ANO1: variants seen among roughly 807,000 people sequenced by gnomAD.
ANO1 encodes anoctamin-1.
ANO1 carries 59 observed loss-of-function variants against 124.0 expected under a neutral mutation model. The ratio of observed to expected loss-of-function variants is 0.48; its 90% CI spans 0.39 to 0.59. The LOEUF is 0.59. Among genes scored for constraint, ANO1 ranks in the 20% least tolerant of loss-of-function variants. The probability of loss-of-function intolerance (pLI) is 0.00; values close to 1 mark genes in which losing one functional copy is unlikely to be tolerated. For missense variants in ANO1, 1,059 were observed against 1,328.0 expected, an observed-to-expected ratio of 0.80 and a Z score of 3.15; for synonymous variants, 529 against 532.0, an observed-to-expected ratio of 0.99 and a Z score of 0.08.
At chr11:70,010,296 T>C (rs1856578577) in intron 1 of ANO1, among the ~76,000 whole-genome samples, 2 of 151,190 alleles carry the variant, frequency 1.3e-5, no homozygotes. Context: ...TGGAAACATA[T>C]AAACACAGGT....
At chr11:70,174,301 C>G (rs927846698) in intron 22 of ANO1, among the ~76,000 whole-genome samples, 1 of 150,958 alleles carries the variant, frequency 6.6e-6, no homozygotes, top group African/African-American at 2.4e-5. Context: ...GAGGCTGAGG[C>G]AGGAGAATCG....
chr11:70,152,600 C>T, intron 13 of ANO1, 139 bp downstream of exon 13: 1 of 1,011,930 alleles, frequency 9.9e-7, no homozygotes, highest in Non-Finnish European at 1.5e-6. Flanking sequence ...TTTCTCCCCA[C>T]CTCCGGTCTC....
chr11:70,131,453 G>T (rs1481399070), intron 10 of ANO1, among the ~76,000 whole-genome samples: 1 of 152,066 alleles, frequency 6.6e-6, no homozygotes, highest in South Asian at 2.1e-4. Context: ...TCAGCCTCCC[G>T]AGTAGCTGGG....
upstream of ANO1, among the ~76,000 whole-genome samples, chr11:70,074,360 A>G (rs1555009755): frequency 1.3e-5 from 2 of 152,144 alleles, no homozygotes; most frequent in African/African-American, 4.8e-5. Context: ...GACCTCTACC[A>G]ATGGAGGGCA....
At chr11:70,110,745 G>A (rs1291328843) in intron 6 of ANO1, among the ~76,000 whole-genome samples, 2 of 152,164 alleles carry the variant, frequency 1.3e-5, no homozygotes, top group African/African-American at 4.8e-5. Context: ...AGCCAAGCAG[G>A]GGGTTCCATG....
intron 5 of ANO1, 22 bp downstream of exon 5, chr11:70,105,810 A>G (rs550270960): frequency 6.2e-7 from 1 of 1,611,574 alleles, no homozygotes; most frequent in Non-Finnish European, 8.5e-7. Flanking sequence ...ACGCGCCTGG[A>G]AACGGCTCAC....
intron 2 of ANO1, among the ~76,000 whole-genome samples, chr11:70,099,260 G>A (rs1363808503): frequency 1.3e-5 from 2 of 152,234 alleles, no homozygotes; most frequent in African/African-American, 2.4e-5. Flanking sequence ...TGGTCAGCCC[G>A]GGCACCATGC....
intron 1 of ANO1, among the ~76,000 whole-genome samples, chr11:70,078,981 G>T (rs1041623323): frequency 6.6e-6 from 1 of 151,974 alleles, no homozygotes; most frequent in Non-Finnish European, 1.5e-5. Flanking sequence ...GGCATGGCCC[G>T]GCCTCGGAGC....
intron 1 of ANO1, among the ~76,000 whole-genome samples, chr11:70,005,475 T>C (rs1315335119): frequency 1.3e-5 from 2 of 152,234 alleles, no homozygotes; most frequent in African/African-American, 4.8e-5. Context: ...AGGACACATC[T>C]GTGAGAAATT....
intron 1 of ANO1, among the ~76,000 whole-genome samples, chr11:70,072,164 C>T (rs1205841782): frequency 2.0e-5 from 3 of 152,140 alleles, no homozygotes; most frequent in African/African-American, 4.8e-5. Context: ...GATTCCCCAG[C>T]GCAGGGTTGG....
intron 1 of ANO1, among the ~76,000 whole-genome samples, chr11:70,068,403 C>T (rs1857786249): frequency 6.6e-6 from 1 of 152,188 alleles, no homozygotes; most frequent in South Asian, 2.1e-4. Flanking sequence ...CTTTGCATAC[C>T]TACTGTGTGC....
chr11:70,085,334 C>T, intron 1 of ANO1: 1 of 1,415,584 alleles, frequency 7.1e-7, no homozygotes, highest in Non-Finnish European at 9.2e-7. Context: ...TGAGCCCTCC[C>T]AAGCCACCCA....
At chr11:70,172,132 AAAAAGAAAAG>A (rs1555052149) in intron 22 of ANO1, among the ~76,000 whole-genome samples, 2 of 141,576 alleles carry the variant, frequency 1.4e-5, no homozygotes, top group South Asian at 2.2e-4. Flanking sequence ...AAAAAAAAAA[AAAAAGAAAAG>A]AAAAGAAAAG....
intron 12 of ANO1, 193 bp downstream of exon 12, chr11:70,149,985 G>A: frequency 1.4e-6 from 1 of 690,490 alleles, no homozygotes; most frequent in Non-Finnish European, 2.6e-6. Context: ...CACCCTCCAT[G>A]GCCAAAGTGA....
intron 1 of ANO1, among the ~76,000 whole-genome samples, chr11:69,987,604 CAAAAAAAAAAAAAAA>C (rs202001305): frequency 0.51 from 56,939 of 111,044 alleles, 14,356 homozygotes; most frequent in East Asian, 0.74. Context: ...GACCATGTCT[CAAAAAAAAAAAAAAA>C]AAAAAAAAAA....
chr11:70,140,645 G>C (rs2047120840), intron 11 of ANO1, among the ~76,000 whole-genome samples: 1 of 152,186 alleles, frequency 6.6e-6, no homozygotes, highest in Non-Finnish European at 1.5e-5. Context: ...CCTAGGTACA[G>C]TGCTTGTTTA....
intron 1 of ANO1, among the ~76,000 whole-genome samples, chr11:70,014,025 T>C (rs1856653004): frequency 6.6e-6 from 1 of 151,970 alleles, no homozygotes; most frequent in Non-Finnish European, 1.5e-5. Flanking sequence ...GAGAGATCTC[T>C]GGTGTCTCTT....
intron 3 of ANO1, among the ~76,000 whole-genome samples, chr11:70,103,379 T>G (rs2045356070): frequency 6.6e-6 from 1 of 151,856 alleles, no homozygotes; most frequent in Non-Finnish European, 1.5e-5. Flanking sequence ...CAACCCTGGG[T>G]GATCTTTAGA....
At chr11:69,988,363 G>A (rs190507016) in intron 1 of ANO1, among the ~76,000 whole-genome samples, 8 of 152,192 alleles carry the variant, frequency 5.3e-5, no homozygotes, top group Non-Finnish European at 1.2e-4. Context: ...CTGCAGCCCT[G>A]TGCCCTCGGC....
Sources: allele counts gnomAD v4.1 joint callset (sites outside exome capture counted in the v4.1 genomes callset), GRCh38; gene constraint gnomAD v4.1.1; transcripts MANE v1.5; gene names NCBI Gene and HGNC (gene_info 2026-07-23, HGNC 2026-07-21).